Variants in PLA2G5 observed in about 807,000 individuals in gnomAD.
The protein encoded by PLA2G5 is Ca2+-dependent phospholipase A2.
A neutral mutation model predicts 15.9 loss-of-function variants in PLA2G5; 12 were observed. That is an observed-to-expected ratio of 0.76 (90% CI 0.48 to 1.23). The LOEUF is 1.23. Among genes scored for constraint, PLA2G5 ranks in the 50% most tolerant of loss-of-function variants. PLA2G5 has a pLI of 0.00. For synonymous variants in PLA2G5, 71 were observed against 71.4 expected (o/e 0.99, Z 0.03); for missense variants, 169 against 177.1 (o/e 0.95, Z 0.26).
intron 2 of PLA2G5, among the ~76,000 whole-genome samples, chr1:20,061,346 A>G (rs932642211): frequency 6.6e-6 from 1 of 152,128 alleles, no homozygotes; most frequent in Non-Finnish European, 1.5e-5. Flanking sequence ...GCGCTTTGGG[A>G]GGCTGAGGCA....
chr1:20,060,996 C>G (rs1226829039), intron 2 of PLA2G5, among the ~76,000 whole-genome samples: 3 of 152,164 alleles, frequency 2.0e-5, no homozygotes, highest in African/African-American at 7.2e-5. Context: ...GGATTACAGG[C>G]ATGAGCCATC....
chr1:20,032,457 TGAA>T (rs1432687919), intron 1 of PLA2G5, among the ~76,000 whole-genome samples: 1 of 151,716 alleles, frequency 6.6e-6, no homozygotes, highest in Admixed American at 6.6e-5. Flanking sequence ...GTCATGTGAG[TGAA>T]GTTGATTTGC....
intron 1 of PLA2G5, among the ~76,000 whole-genome samples, chr1:20,078,591 G>GGGA (rs2015826444): frequency 6.6e-6 from 1 of 152,134 alleles, no homozygotes; most frequent in Non-Finnish European, 1.5e-5. Context: ...CACAAGTTCT[G>GGGA]TCTCATTCAC....
intron 1 of PLA2G5, among the ~76,000 whole-genome samples, chr1:20,073,456 G>A (rs1373637671): frequency 1.3e-5 from 2 of 152,176 alleles, no homozygotes; most frequent in Non-Finnish European, 2.9e-5. Context: ...TAGAACTAGT[G>A]GTGTGTATCT....
chr1:20,077,633 G>A (rs545402943), intron 1 of PLA2G5, among the ~76,000 whole-genome samples: 5 of 152,258 alleles, frequency 3.3e-5, no homozygotes, highest in South Asian at 2.1e-4. Context: ...GCACTGTCCC[G>A]GGCCGTTCTG....
At chr1:20,090,096 A>T (rs1306524558) in intron 4 of PLA2G5, among the ~76,000 whole-genome samples, 1 of 152,132 alleles carries the variant, frequency 6.6e-6, no homozygotes, top group South Asian at 2.1e-4. Context: ...AGTGCTTGAC[A>T]TGCTTCCTTT....
chr1:20,047,311 A>G (rs1213930400), intron 1 of PLA2G5, among the ~76,000 whole-genome samples: 1 of 152,042 alleles, frequency 6.6e-6, no homozygotes, highest in African/African-American at 2.4e-5. Flanking sequence ...ACATTGATCC[A>G]CCACACAAAA....
chr1:20,061,014 G>A (rs565006232), intron 2 of PLA2G5, among the ~76,000 whole-genome samples: 46 of 152,302 alleles, frequency 3.0e-4, no homozygotes, highest in African/African-American at 1.1e-3. Flanking sequence ...ATCGCACCCG[G>A]CCTAGAGCAA....
chr1:20,090,289 C>T (rs769277096), intron 4 of PLA2G5, among the ~76,000 whole-genome samples: 5 of 152,156 alleles, frequency 3.3e-5, no homozygotes, highest in Non-Finnish European at 7.4e-5. Context: ...TCCAGAGCAG[C>T]GGCTGCCTCC....
At chr1:20,087,213 T>G (rs1381936103) in intron 3 of PLA2G5, among the ~76,000 whole-genome samples, 2 of 152,210 alleles carry the variant, frequency 1.3e-5, no homozygotes, top group East Asian at 3.8e-4. Flanking sequence ...AAAATGGTGT[T>G]TCCTCTGTAA....
In PLA2G5 at chr1:20,088,470, CTTT is replaced by C. The variant is rs57538971; in HGVS notation, c.186-1309_186-1307del. On this transcript the variant is annotated intron_variant, in intron 3 of 4. Transcript: ENST00000375108. Reference sequence around the variant, plus strand: ...CTAGGGAACTCTGAATCAATTATGGCTTTTTTTTTTTTACAATTAGTGAGATAA... The same window carrying C: ...CTAGGGAACTCTGAATCAATTATGGCTTTTTTTTTACAATTAGTGAGATAA... 3.5e-3 allele frequency among the ~76,000 whole-genome samples: 503 copies of C among 141,992 alleles called. 7 individuals are homozygous for C. Among genetic ancestry groups the C allele is most frequent in the African/African-American group, 0.012 (479 of 39,198 alleles). 93.2% of individuals were successfully genotyped at this position (141,992 alleles called of 152,430 possible).
chr1:20,080,978 G>A (rs1435929737), intron 1 of PLA2G5, among the ~76,000 whole-genome samples: 1 of 151,850 alleles, frequency 6.6e-6, no homozygotes, highest in Non-Finnish European at 1.5e-5. Context: ...AGTGCCTTCC[G>A]TGCAATGAGG....
chr1:20,076,360 T>C (rs1246198684), intron 1 of PLA2G5, among the ~76,000 whole-genome samples: 2 of 152,208 alleles, frequency 1.3e-5, no homozygotes, highest in South Asian at 2.1e-4. Flanking sequence ...CTGAACCAAC[T>C]TAACCAACTG....
At chr1:20,076,921 T>C (rs906914047) in intron 1 of PLA2G5, 1 of 152,232 alleles carries the variant, frequency 6.6e-6, no homozygotes, top group Non-Finnish European at 1.5e-5. Context: ...CATGTGCCAA[T>C]AAACCATTTG....
intron 1 of PLA2G5, among the ~76,000 whole-genome samples, chr1:20,041,905 C>T (rs1228952025): frequency 6.6e-6 from 1 of 152,120 alleles, no homozygotes; most frequent in Non-Finnish European, 1.5e-5. Flanking sequence ...AAGCATTGGC[C>T]TGAGCAATGG....
chr1:20,030,260 A>G (rs2012847828), intron 1 of PLA2G5, among the ~76,000 whole-genome samples: 1 of 151,914 alleles, frequency 6.6e-6, no homozygotes. Flanking sequence ...CTATAGGGTA[A>G]TGGTGGAGAG....
chr1:20,041,094 T>C (rs2013572791), intron 1 of PLA2G5, among the ~76,000 whole-genome samples: 1 of 152,238 alleles, frequency 6.6e-6, no homozygotes, highest in Admixed American at 6.5e-5. Context: ...AAATAAACTT[T>C]CTAAATTAAC....
intron 1 of PLA2G5, among the ~76,000 whole-genome samples, chr1:20,030,398 A>T (rs757898809): frequency 4.6e-5 from 7 of 152,176 alleles, no homozygotes; most frequent in Admixed American, 6.5e-5. Context: ...TCAGTGCGGT[A>T]AAGAGCAGTA....
intron 1 of PLA2G5, among the ~76,000 whole-genome samples, chr1:20,059,419 T>C (rs1569717970): frequency 6.6e-6 from 1 of 150,610 alleles, no homozygotes; most frequent in East Asian, 1.9e-4. Context: ...TGAGGTCCTG[T>C]CTAAAAAAAA....
Sources: gnomAD v4.1 joint callset for allele counts (sites outside exome capture counted in the v4.1 genomes callset) on GRCh38, gnomAD v4.1.1 for gene constraint, MANE v1.5 for transcripts, NCBI Gene and HGNC (gene_info 2026-07-23, HGNC 2026-07-21) for gene names.